Variants in THRB observed in about 807,000 individuals in gnomAD.
THRB encodes nuclear receptor subfamily 1 group A member 2.
THRB carries 12 observed loss-of-function variants against 47.8 expected under a neutral mutation model. The observed-to-expected ratio is 0.25, with a 90% CI of 0.16 to 0.41. The LOEUF is 0.41. Ranked by LOEUF, THRB falls within the 10% of genes least tolerant of loss-of-function variation. The probability of loss-of-function intolerance (pLI) is 1.00; values close to 1 mark genes in which losing one functional copy is unlikely to be tolerated. For missense variants in THRB, 348 were observed against 589.2 expected (o/e 0.59, Z 4.24); for synonymous variants, 218 against 212.2 (o/e 1.03, Z -0.24).
intron 4 of THRB, among the ~76,000 whole-genome samples, chr3:24,191,347 T>C (rs2043314328): frequency 6.6e-6 from 1 of 151,720 alleles, no homozygotes; most frequent in South Asian, 2.1e-4. Flanking sequence ...AAGCTACTGT[T>C]TGTCAAAATT....
At chr3:24,473,792 C>T (rs959706893) in intron 1 of THRB, among the ~76,000 whole-genome samples, 1 of 152,144 alleles carries the variant, frequency 6.6e-6, no homozygotes, top group Non-Finnish European at 1.5e-5. Flanking sequence ...TTTGCAGGGA[C>T]ATAGATGAAG....
intron 4 of THRB, among the ~76,000 whole-genome samples, chr3:24,211,097 G>A (rs2045975479): frequency 6.6e-6 from 1 of 151,788 alleles, no homozygotes; most frequent in African/African-American, 2.4e-5. Context: ...CTACTTGGGA[G>A]GCTGAGGCCG....
intron 4 of THRB, among the ~76,000 whole-genome samples, chr3:24,225,285 C>T (rs1002787253): frequency 6.6e-6 from 1 of 152,144 alleles, no homozygotes; most frequent in African/African-American, 2.4e-5. Flanking sequence ...TCCTATCTAT[C>T]TTGGCACGCA....
At chr3:24,483,080 AAAT>A (rs1167448648) in intron 1 of THRB, among the ~76,000 whole-genome samples, 3 of 152,124 alleles carry the variant, frequency 2.0e-5, no homozygotes, top group Non-Finnish European at 2.9e-5. Context: ...TTTAATAATA[AAAT>A]AATAATGTTT....
intron 1 of THRB, among the ~76,000 whole-genome samples, chr3:24,450,277 C>T (rs2072518081): frequency 6.6e-6 from 1 of 152,150 alleles, no homozygotes; most frequent in Non-Finnish European, 1.5e-5. Flanking sequence ...ACTACACACT[C>T]AAAAAGAAAT....
intron 1 of THRB, among the ~76,000 whole-genome samples, chr3:24,347,575 A>C (rs1264814690): frequency 6.6e-6 from 1 of 151,096 alleles, no homozygotes. Flanking sequence ...AAAAAGAATA[A>C]AGAATTTTTC....
chr3:24,174,223 G>A (rs944995079), intron 5 of THRB, among the ~76,000 whole-genome samples: 2 of 152,054 alleles, frequency 1.3e-5, no homozygotes, highest in African/African-American at 2.4e-5. Flanking sequence ...GTCTGAAGTG[G>A]CACAATGGTA....
At chr3:24,324,970 A>T (rs943537957) in intron 2 of THRB, among the ~76,000 whole-genome samples, 1 of 152,252 alleles carries the variant, frequency 6.6e-6, no homozygotes, top group Admixed American at 6.5e-5. Context: ...AAATGGGAAC[A>T]TCAAAATAAA....
intron 3 of THRB, among the ~76,000 whole-genome samples, chr3:24,289,069 C>T (rs1353420077): frequency 1.3e-5 from 2 of 152,094 alleles, no homozygotes; most frequent in Non-Finnish European, 2.9e-5. Context: ...TGAGGAGCCT[C>T]ATGAAAAATG....
intron 2 of THRB, among the ~76,000 whole-genome samples, chr3:24,299,793 T>C (rs529855383): frequency 7.9e-6 from 1 of 127,162 alleles, no homozygotes; most frequent in African/African-American, 3.0e-5. Context: ...TTATTTATTT[T>C]TTTTTTTTTA....
Position 24,118,648 on chromosome 3 carries a change from AT to A in THRB, c.*4235del, listed in dbSNP as rs1283507374. On this transcript the variant is annotated 3_prime_UTR_variant, in exon 11 of 11. Coordinates refer to ENST00000646209, the MANE Select transcript of THRB (RefSeq NM_001354712.2). ...AAGTGGCATAATGTCACATCAGCTC[AT>A]TCATGCCCTGATAATTTCTGTATCA... 12 of 152,686 alleles carry A rather than the reference AT, an allele frequency of 7.9e-5. No individual in the cohort carries two copies. The highest frequency in any genetic ancestry group is 7.8e-4 in the Admixed American group (12 of 15,288). The allele number at this position is 152,686 out of a possible 1,614,324, so 9.5% of individuals were successfully genotyped here.
intron 1 of THRB, among the ~76,000 whole-genome samples, chr3:24,399,228 TA>T (rs77046673): frequency 2.8e-3 from 386 of 137,136 alleles, no homozygotes; most frequent in East Asian, 0.013. Context: ...AAAGTATAAT[TA>T]AAAAAAAAAA....
chr3:24,364,713 T>C lies in THRB; in HGVS notation c.-260-27342A>G, dbSNP rs1422297162. The stretch of plus-strand genomic sequence containing the variant: ...TCTCTAGGGAAAGGGCTCTTGGGGG[T>C]ACTCATGTGAAAAATTACAGGGATA... On this transcript the variant is annotated intron_variant, in intron 1 of 10. Coordinates refer to ENST00000646209, the MANE Select transcript of THRB (RefSeq NM_001354712.2). Among the ~76,000 whole-genome samples the C allele has an allele frequency of 2.6e-5, 4 of 152,220 alleles. 1 individual carries two copies. Among genetic ancestry groups the C allele is most frequent in the African/African-American group, 9.6e-5 (4 of 41,550 alleles).
At chr3:24,179,517 T>C (rs1384633736) in intron 5 of THRB, among the ~76,000 whole-genome samples, 1 of 152,200 alleles carries the variant, frequency 6.6e-6, no homozygotes, top group Non-Finnish European at 1.5e-5. Context: ...ATTTGCACTA[T>C]TACAACTTTT....
chr3:24,296,366 G>A (rs984417121), intron 3 of THRB, among the ~76,000 whole-genome samples: 6 of 152,170 alleles, frequency 3.9e-5, no homozygotes, highest in East Asian at 1.9e-4. Flanking sequence ...TGTCGGCTTC[G>A]GTTAGAAGCT....
chr3:24,480,459 C>A (rs1333403313), intron 1 of THRB, among the ~76,000 whole-genome samples: 1 of 152,172 alleles, frequency 6.6e-6, no homozygotes, highest in Non-Finnish European at 1.5e-5. Flanking sequence ...AGAAGCAAAA[C>A]CACATATTTT....
chr3:24,322,771 A>AT (rs2058566904), intron 2 of THRB, among the ~76,000 whole-genome samples: 1 of 152,112 alleles, frequency 6.6e-6, no homozygotes, highest in African/African-American at 2.4e-5. Flanking sequence ...AGAAGCTTGT[A>AT]TTTTCTATGG....
At chr3:24,357,346 C>CAAAAAAAAAAAAAAAAA (rs781709724) in intron 1 of THRB, among the ~76,000 whole-genome samples, 21 of 28,732 alleles carry the variant, frequency 7.3e-4, no homozygotes, top group African/African-American at 1.2e-3. Context: ...TTGTCTCTCC[C>CAAAAAAAAAAAAAAAAA]AAAAAAAAAA....
At chr3:24,280,384 T>C (rs2054433217) in intron 3 of THRB, among the ~76,000 whole-genome samples, 1 of 151,956 alleles carries the variant, frequency 6.6e-6, no homozygotes, top group Non-Finnish European at 1.5e-5. Flanking sequence ...GTCCTCTCTG[T>C]TAGAAGGAAA....
Sources: allele counts gnomAD v4.1 joint callset (sites outside exome capture counted in the v4.1 genomes callset), GRCh38; gene constraint gnomAD v4.1.1; transcripts MANE v1.5; gene names NCBI Gene and HGNC (gene_info 2026-07-23, HGNC 2026-07-21).